SDK2: variants seen among roughly 807,000 people sequenced by gnomAD.
SDK2 encodes the protein sidekick cell adhesion molecule 2, also known as protein sidekick-2.
Under a neutral mutation model 253.9 loss-of-function variants are expected in SDK2, and 105 were observed. That is an observed-to-expected ratio of 0.41 (90% confidence interval 0.35 to 0.49). The LOEUF (loss-of-function observed/expected upper bound fraction) is 0.49, where lower values mean the gene tolerates loss of function less well. Among genes scored for constraint, SDK2 ranks in the 20% least tolerant of loss-of-function variants. The probability of loss-of-function intolerance (pLI) is 0.06; values close to 1 mark genes in which losing one functional copy is unlikely to be tolerated. For synonymous variants in SDK2, 1,249 were observed against 1,234.9 expected (o/e 1.01, Z -0.24); for missense variants, 2,608 against 3,003.0 (o/e 0.87, Z 3.07).
chr17:73,500,799 CTCCATCCTCTT>C (rs1257844510), intron 2 of SDK2, among the ~76,000 whole-genome samples: 1 of 150,690 alleles, frequency 6.6e-6, no homozygotes, highest in African/African-American at 2.4e-5. Flanking sequence ...CTCCGTTCTC[CTCCATCCTCTT>C]TCCATCCTCC....
chr17:73,419,411 G>A, intron 15 of SDK2, 105 bp from the exon 16 acceptor site: 1 of 1,278,862 alleles, frequency 7.8e-7, no homozygotes, highest in Non-Finnish European at 1.1e-6. Context: ...GGATAATTCG[G>A]TACAACTGCT....
intron 18 of SDK2, among the ~76,000 whole-genome samples, chr17:73,405,517 T>TATATATATATATAAATAA (rs750250733): frequency 1.5e-5 from 1 of 66,180 alleles, no homozygotes; most frequent in Non-Finnish European, 2.7e-5. Context: ...TATATATATA[T>TATATATATATATAAATAA]AAAGATCGAG....
At chr17:73,430,025 T>TC (rs1041763834) in intron 12 of SDK2, among the ~76,000 whole-genome samples, 5 of 151,892 alleles carry the variant, frequency 3.3e-5, no homozygotes, top group Non-Finnish European at 7.4e-5. Context: ...TCTTGCAGGG[T>TC]CCCCCCAGGG....
intron 3 of SDK2, among the ~76,000 whole-genome samples, chr17:73,469,988 G>GCA (rs1405188875): frequency 0.012 from 1,304 of 112,288 alleles, 8 homozygotes; most frequent in Non-Finnish European, 0.013. Context: ...GACTGCGCGC[G>GCA]CGCGCACACA....
chr17:73,380,801 C>T (rs1269079512), intron 34 of SDK2, 93 bp downstream of exon 34: 1 of 1,176,648 alleles, frequency 8.5e-7, no homozygotes, highest in Non-Finnish European at 1.2e-6. Flanking sequence ...GGCACACCCC[C>T]TCAACCTGTG....
rs149965668 is a variant in SDK2, at chr17:73,476,101, C to A, written c.225-3883G>T. Among the ~76,000 whole-genome samples, 584 of 152,220 alleles carry A rather than the reference C, an allele frequency of 3.8e-3. 3 individuals are homozygous for A. The highest frequency in any genetic ancestry group is 0.013 in the African/African-American group (556 of 41,544). On this transcript the variant is annotated intron_variant, in intron 2 of 44. Coordinates refer to ENST00000392650, the MANE Select transcript of SDK2 (RefSeq NM_001144952.2). Reference sequence around the variant, plus strand: ...CACTCCAGCCTGGGCAACAAAGACTCTGTCTCAAAAAAACCAATAATAATT... The same window carrying A: ...CACTCCAGCCTGGGCAACAAAGACTATGTCTCAAAAAAACCAATAATAATT...
At chr17:73,375,439 C>CT (rs995273865) in intron 36 of SDK2, among the ~76,000 whole-genome samples, 5 of 151,664 alleles carry the variant, frequency 3.3e-5, no homozygotes, top group African/African-American at 1.2e-4. Flanking sequence ...TAGAGACAGG[C>CT]TTTTACCATG....
At chr17:73,519,930 C>T (rs1452869963) in intron 1 of SDK2, 1 of 152,206 alleles carries the variant, frequency 6.6e-6, no homozygotes, top group Non-Finnish European at 1.5e-5. Flanking sequence ...CAAAGACTGC[C>T]GAGCAGAAAA....
intron 16 of SDK2, among the ~76,000 whole-genome samples, chr17:73,417,420 GAA>G (rs1383887809): frequency 1.3e-5 from 2 of 150,472 alleles, no homozygotes; most frequent in African/African-American, 2.4e-5. Context: ...AAAAAAAAAA[GAA>G]AATAAATTAT....
At chr17:73,391,561 G>A (rs2145498813) in intron 27 of SDK2, 23 bp from the exon 28 acceptor site, 1 of 1,236,446 alleles carries the variant, frequency 8.1e-7, no homozygotes, top group Non-Finnish European at 1.0e-6. Context: ...AAGGAGAGGA[G>A]GCCGACCCAT....
intron 1 of SDK2, among the ~76,000 whole-genome samples, chr17:73,630,737 G>A (rs1235146566): frequency 6.6e-6 from 1 of 152,170 alleles, no homozygotes; most frequent in Non-Finnish European, 1.5e-5. Context: ...AATGGGCCTT[G>A]TGTTCGTCCC....
chr17:73,371,474 C>T (rs932520836), intron 36 of SDK2, among the ~76,000 whole-genome samples: 4 of 151,784 alleles, frequency 2.6e-5, no homozygotes, highest in South Asian at 2.1e-4. Flanking sequence ...TGGTTTGACT[C>T]GATATGAGCA....
At chr17:73,437,695 AGATCT>A in intron 8 of SDK2, 39 bp downstream of exon 8, 1 of 1,483,138 alleles carries the variant, frequency 6.7e-7, no homozygotes, top group Non-Finnish European at 9.4e-7. Context: ...GAGAGGCTGA[AGATCT>A]GGGGTCTTTG....
At chr17:73,405,564 G>A (rs2063070089) in intron 18 of SDK2, among the ~76,000 whole-genome samples, 1 of 138,600 alleles carries the variant, frequency 7.2e-6, no homozygotes, top group African/African-American at 2.7e-5. Flanking sequence ...CTGAGAAGGA[G>A]AGCATACACA....
chr17:73,339,667 T>G (rs1430094070), intron 44 of SDK2, among the ~76,000 whole-genome samples: 1 of 151,392 alleles, frequency 6.6e-6, no homozygotes, highest in Non-Finnish European at 1.5e-5. Context: ...TATCCTCCCA[T>G]GTCAGCCTTC....
At chr17:73,482,597 G>C (rs1484004454) in intron 2 of SDK2, among the ~76,000 whole-genome samples, 1 of 152,242 alleles carries the variant, frequency 6.6e-6, no homozygotes, top group Non-Finnish European at 1.5e-5. Context: ...TGCGATGGCT[G>C]GGGGAAGGCG....
At chr17:73,633,570 A>T (rs1210157509) in intron 1 of SDK2, among the ~76,000 whole-genome samples, 1 of 152,226 alleles carries the variant, frequency 6.6e-6, no homozygotes, top group African/African-American at 2.4e-5. Context: ...TGAACTTGTT[A>T]TATTCTCTCT....
intron 1 of SDK2, among the ~76,000 whole-genome samples, chr17:73,588,206 C>A (rs532841355): frequency 1.9e-4 from 27 of 140,636 alleles, no homozygotes; most frequent in South Asian, 1.4e-3. Context: ...GACCCCCCCC[C>A]CTCCCCCGCC....
chr17:73,348,275 C>T (rs902935714), intron 44 of SDK2, among the ~76,000 whole-genome samples: 7 of 152,330 alleles, frequency 4.6e-5, no homozygotes, highest in Admixed American at 6.5e-5. Context: ...TCTCCCTCTC[C>T]GCACCTTCAG....
Sources: gnomAD v4.1 joint callset for allele counts (sites outside exome capture counted in the v4.1 genomes callset) on GRCh38, gnomAD v4.1.1 for gene constraint, MANE v1.5 for transcripts, NCBI Gene and HGNC (gene_info 2026-07-23, HGNC 2026-07-21) for gene names.